Variants in MAPRE3 observed in about 807,000 individuals in gnomAD.
MAPRE3 encodes the protein microtubule-associated protein RP/EB family member 3.
In MAPRE3, 2 loss-of-function variants were observed where a neutral mutation model predicts 30.5. That is an observed-to-expected ratio of 0.07 (90% CI 0.03 to 0.21). The LOEUF (loss-of-function observed/expected upper bound fraction) is 0.21, where lower values mean the gene tolerates loss of function less well. Among genes scored for constraint, MAPRE3 ranks in the 10% least tolerant of loss-of-function variants. The pLI is 1.00. For missense variants in MAPRE3, 204 were observed against 351.8 expected (o/e 0.58, Z 3.36); for synonymous variants, 110 against 127.7 (o/e 0.86, Z 0.93).
chr2:27,025,540 T>G, intron 4 of MAPRE3, 43 bp from the exon 5 acceptor site: 1 of 1,523,808 alleles, frequency 6.6e-7, no homozygotes, highest in Non-Finnish European at 8.8e-7. Flanking sequence ...CCACGTGCGC[T>G]GTGGGCTCAC....
At chr2:26,991,429 C>T (rs147291974) in intron 1 of MAPRE3, among the ~76,000 whole-genome samples, 21 of 152,194 alleles carry the variant, frequency 1.4e-4, no homozygotes, top group African/African-American at 4.6e-4. Flanking sequence ...TACAGCCTCA[C>T]CACAAAAGAA....
intron 2 of MAPRE3, chr2:27,022,900 A>C (rs1667139776): frequency 5.9e-6 from 1 of 170,388 alleles, no homozygotes; most frequent in Admixed American, 5.5e-5. Context: ...GAAGGACTGC[A>C]GGGAAAGGAG....
At chr2:27,021,251 G>A (rs1667105299) in intron 1 of MAPRE3, among the ~76,000 whole-genome samples, 1 of 152,186 alleles carries the variant, frequency 6.6e-6, no homozygotes, top group Non-Finnish European at 1.5e-5. Context: ...AGGGACAACG[G>A]TATGCATAAA....
At chr2:26,990,826 T>C (rs1666321654) in intron 1 of MAPRE3, among the ~76,000 whole-genome samples, 1 of 152,218 alleles carries the variant, frequency 6.6e-6, no homozygotes. Context: ...TAGTATATCA[T>C]GTTATGGTTG....
chr2:27,023,753 C>T, intron 3 of MAPRE3: 2 of 515,032 alleles, frequency 3.9e-6, no homozygotes, highest in Non-Finnish European at 3.6e-6. Context: ...CTGTGAAGTT[C>T]CACCTCTCTC....
chr2:26,990,400 C>T (rs1666313565), intron 1 of MAPRE3, among the ~76,000 whole-genome samples: 1 of 152,182 alleles, frequency 6.6e-6, no homozygotes, highest in African/African-American at 2.4e-5. Context: ...AACTCCCACT[C>T]TTCCTTCAAA....
rs138505832 is a variant in MAPRE3, at chr2:26,990,838, A to G, written c.-8+20036A>G. Among the ~76,000 whole-genome samples the G allele has an allele frequency of 1.4e-3, 207 of 152,334 alleles. 1 individual carries two copies. The highest frequency in any genetic ancestry group is 4.7e-3 in the African/African-American group (197 of 41,574). ...CTCTAGTATATCATGTTATGGTTGCATGTGTCTTCCTGCACTGTTCAGCTG... is the reference window on the plus strand; with the variant it reads ...CTCTAGTATATCATGTTATGGTTGCGTGTGTCTTCCTGCACTGTTCAGCTG... On this transcript the variant is annotated intron_variant, in intron 1 of 6. Transcript: ENST00000233121.
At chr2:26,988,779 C>A (rs1666269015) in intron 1 of MAPRE3, among the ~76,000 whole-genome samples, 1 of 152,204 alleles carries the variant, frequency 6.6e-6, no homozygotes, top group Non-Finnish European at 1.5e-5. Context: ...AAGGAATCTG[C>A]ATTAGTAATA....
At chr2:26,992,817 G>GC (rs1666374259) in intron 1 of MAPRE3, among the ~76,000 whole-genome samples, 1 of 152,094 alleles carries the variant, frequency 6.6e-6, no homozygotes, top group African/African-American at 2.4e-5. Context: ...GACTGTGTAG[G>GC]CCAGAAGTGA....
intron 1 of MAPRE3, among the ~76,000 whole-genome samples, chr2:26,997,640 AC>A (rs1476640070): frequency 6.6e-6 from 1 of 152,122 alleles, no homozygotes; most frequent in East Asian, 1.9e-4. Context: ...CATTCCACGG[AC>A]CCGTACTAGT....
intron 1 of MAPRE3, among the ~76,000 whole-genome samples, chr2:26,975,672 G>C (rs1666002288): frequency 6.6e-6 from 1 of 152,228 alleles, no homozygotes; most frequent in Non-Finnish European, 1.5e-5. Context: ...TATTTGACTT[G>C]TTATAAGAAG....
At chr2:26,972,031 A>G (rs1444683035) in intron 1 of MAPRE3, among the ~76,000 whole-genome samples, 1 of 152,182 alleles carries the variant, frequency 6.6e-6, no homozygotes, top group Non-Finnish European at 1.5e-5. Flanking sequence ...AGAAGAACTG[A>G]GTTGAAGTCA....
rs142243854 is a variant in MAPRE3 at position 26,983,467 on chromosome 2, C to T, written c.-8+12665C>T. 6.1e-3 allele frequency among the ~76,000 whole-genome samples: 928 copies of T among 152,276 alleles called. 8 individuals are homozygous for T. The highest frequency in any genetic ancestry group is 0.022 in the African/African-American group (897 of 41,546). On this transcript the variant is annotated intron_variant, in intron 1 of 6. Coordinates refer to ENST00000233121, the MANE Select transcript of MAPRE3 (RefSeq NM_012326.4). The stretch of plus-strand genomic sequence containing the variant: ...ACCCAGCAAGGCACTGCTCTGGCCT[C>T]GTGGCTGTCCCAGGATGTGTTAGGA...
chr2:27,004,729 A>G (rs1236631163), intron 1 of MAPRE3, among the ~76,000 whole-genome samples: 4 of 130,606 alleles, frequency 3.1e-5, no homozygotes, highest in South Asian at 2.4e-4. Context: ...AGGATCTAGT[A>G]AAAAAAAAAA....
intron 1 of MAPRE3, among the ~76,000 whole-genome samples, chr2:26,976,665 A>G (rs534147732): frequency 6.6e-6 from 1 of 152,230 alleles, no homozygotes; most frequent in Non-Finnish European, 1.5e-5. Context: ...GCCTCAAGTA[A>G]ATAAGGACTT....
In MAPRE3 at chr2:27,025,626, C is replaced by A; in HGVS notation, c.513C>A (p.Thr171=). Residue 171 remains threonine (T), a synonymous_variant, in exon 5 of 7, where the codon ACC becomes ACA. Coordinates refer to ENST00000233121, the MANE Select transcript of MAPRE3 (RefSeq NM_012326.4). The part of the protein sequence containing the change: ...TSPTGPKNMQ[T]SGRLSNVAPP... ...CCACAGGCCCAAAAAACATGCAGAC[C>A]TCTGGCCGGCTGAGCAATGTGGCCC... 6.2e-7 allele frequency: 1 copy of A among 1,601,538 alleles called. No homozygotes were observed.
chr2:26,991,222 C>G (rs978519554), intron 1 of MAPRE3, among the ~76,000 whole-genome samples: 2 of 152,134 alleles, frequency 1.3e-5, no homozygotes, highest in Non-Finnish European at 2.9e-5. Flanking sequence ...CCACTGCACT[C>G]CAGCCTGGGC....
chr2:26,984,263 A>G (rs761593918), intron 1 of MAPRE3, among the ~76,000 whole-genome samples: 5 of 152,240 alleles, frequency 3.3e-5, no homozygotes, highest in Non-Finnish European at 7.3e-5. Context: ...TGCTTTTAGA[A>G]TTAAATATTT....
intron 1 of MAPRE3, among the ~76,000 whole-genome samples, chr2:26,992,452 C>T (rs1165997273): frequency 6.6e-6 from 1 of 151,938 alleles, no homozygotes; most frequent in Non-Finnish European, 1.5e-5. Context: ...CTTGAACTCC[C>T]GACGTCAGGT....
Sources: allele counts gnomAD v4.1 joint callset (sites outside exome capture counted in the v4.1 genomes callset), GRCh38; gene constraint gnomAD v4.1.1; transcripts MANE v1.5; gene names NCBI Gene and HGNC (gene_info 2026-07-23, HGNC 2026-07-21).